Variants in CTNNA3 observed in about 807,000 individuals in gnomAD.
CTNNA3 encodes catenin alpha-3.
CTNNA3 carries 76 observed loss-of-function variants against 95.7 expected under a neutral mutation model. The observed-to-expected ratio is 0.79, with a 90% CI of 0.66 to 0.96. The LOEUF (loss-of-function observed/expected upper bound fraction) is 0.96. CTNNA3 is among the 40% of genes least tolerant of loss of function. CTNNA3 has a pLI of 0.00. For synonymous variants in CTNNA3, 431 were observed against 374.4 expected, an observed-to-expected ratio of 1.15 and a Z score of -1.74; for missense variants, 1,191 against 1,089.8, an observed-to-expected ratio of 1.09 and a Z score of -1.31.
chr10:66,885,706 A>AGT (rs1845017245), intron 7 of CTNNA3, among the ~76,000 whole-genome samples: 1 of 152,194 alleles, frequency 6.6e-6, no homozygotes, highest in Admixed American at 6.5e-5. Context: ...TTGTGCATTC[A>AGT]GTACATATCT....
At chr10:66,481,259 A>G (rs2131901626) in intron 11 of CTNNA3, among the ~76,000 whole-genome samples, 1 of 152,256 alleles carries the variant, frequency 6.6e-6, no homozygotes, top group East Asian at 1.9e-4. Context: ...AATACACTTT[A>G]CAGTTTTTTA....
At chr10:66,477,113 TA>T (rs1483669362) in intron 11 of CTNNA3, among the ~76,000 whole-genome samples, 1 of 152,146 alleles carries the variant, frequency 6.6e-6, no homozygotes, top group African/African-American at 2.4e-5. Flanking sequence ...TCTATGACAT[TA>T]ATGTCAGTAC....
At chr10:66,194,745 C>G (rs1379973448) in intron 13 of CTNNA3, among the ~76,000 whole-genome samples, 1 of 152,146 alleles carries the variant, frequency 6.6e-6, no homozygotes, top group Non-Finnish European at 1.5e-5. Flanking sequence ...ATACAGTGGT[C>G]CATGAGACAT....
chr10:67,121,113 T>G (rs1859443130), intron 7 of CTNNA3, among the ~76,000 whole-genome samples: 1 of 152,052 alleles, frequency 6.6e-6, no homozygotes, highest in Non-Finnish European at 1.5e-5. Context: ...CTTACTCTGT[T>G]CTAAATTTTT....
chr10:67,142,772 G>A (rs551832490), intron 7 of CTNNA3, among the ~76,000 whole-genome samples: 1 of 152,138 alleles, frequency 6.6e-6, no homozygotes, highest in African/African-American at 2.4e-5. Flanking sequence ...CCTCTAGTAA[G>A]ATACAAAAAA....
At chr10:66,847,517 G>A (rs1264336435) in intron 7 of CTNNA3, among the ~76,000 whole-genome samples, 4 of 152,060 alleles carry the variant, frequency 2.6e-5, no homozygotes, top group Non-Finnish European at 5.9e-5. Flanking sequence ...TTTGTTGTTT[G>A]ATCTTTTGAG....
At chr10:66,032,766 C>A (rs2079473641) in intron 15 of CTNNA3, among the ~76,000 whole-genome samples, 1 of 152,078 alleles carries the variant, frequency 6.6e-6, no homozygotes, top group South Asian at 2.1e-4. Flanking sequence ...GAAATATAAA[C>A]ATGAAGATAC....
At chr10:67,477,352 A>AC (rs902360409) in intron 5 of CTNNA3, among the ~76,000 whole-genome samples, 9 of 147,762 alleles carry the variant, frequency 6.1e-5, no homozygotes, top group Admixed American at 2.0e-4. Flanking sequence ...CTCCCACCCC[A>AC]CCCCCGGGGG....
chr10:67,003,235 G>T (rs1022686558), intron 7 of CTNNA3, among the ~76,000 whole-genome samples: 9 of 152,106 alleles, frequency 5.9e-5, no homozygotes, highest in African/African-American at 2.2e-4. Flanking sequence ...ATAATATTGG[G>T]GAATAAACGA....
chr10:67,408,071 CT>C (rs1001367523), intron 5 of CTNNA3, among the ~76,000 whole-genome samples: 12 of 152,300 alleles, frequency 7.9e-5, no homozygotes, highest in African/African-American at 1.9e-4. Context: ...CTACAAACCA[CT>C]GTTCAAAGAA....
intron 1 of CTNNA3, among the ~76,000 whole-genome samples, chr10:67,679,603 AC>A (rs1425545162): frequency 6.6e-6 from 1 of 152,228 alleles, no homozygotes; most frequent in Non-Finnish European, 1.5e-5. Flanking sequence ...ATTTTTTGCT[AC>A]ATTGGTATAG....
intron 7 of CTNNA3, among the ~76,000 whole-genome samples, chr10:67,132,066 T>C (rs1860037168): frequency 6.6e-6 from 1 of 152,088 alleles, no homozygotes; most frequent in East Asian, 1.9e-4. Flanking sequence ...GAAAATGTGA[T>C]CTAAGATAGC....
intron 5 of CTNNA3, among the ~76,000 whole-genome samples, chr10:67,233,160 C>T (rs954957336): frequency 6.6e-6 from 1 of 152,188 alleles, no homozygotes; most frequent in African/African-American, 2.4e-5. Flanking sequence ...ACCAAGCGGA[C>T]CTAATAGACA....
chr10:66,608,149 A>G (rs1844195867), intron 10 of CTNNA3, among the ~76,000 whole-genome samples: 1 of 152,156 alleles, frequency 6.6e-6, no homozygotes, highest in African/African-American at 2.4e-5. Flanking sequence ...CCCATACATC[A>G]ACAACAGTCA....
At chr10:66,449,134 A>T (rs2093445103) in intron 11 of CTNNA3, among the ~76,000 whole-genome samples, 1 of 152,166 alleles carries the variant, frequency 6.6e-6, no homozygotes, top group Admixed American at 6.6e-5. Flanking sequence ...CAATAAAATG[A>T]GAATGCTTAA....
At chr10:66,633,524 C>T (rs1444276632) in intron 9 of CTNNA3, among the ~76,000 whole-genome samples, 2 of 151,802 alleles carry the variant, frequency 1.3e-5, no homozygotes, top group Non-Finnish European at 2.9e-5. Flanking sequence ...ACTAAAAATA[C>T]AAAAAATTAG....
intron 4 of CTNNA3, among the ~76,000 whole-genome samples, chr10:67,524,659 A>G (rs1289154224): frequency 6.6e-6 from 1 of 152,178 alleles, no homozygotes; most frequent in East Asian, 1.9e-4. Flanking sequence ...CATTCATTTA[A>G]GCAGTTTTTT....
chr10:66,102,877 T>A (rs1213362415), intron 14 of CTNNA3, among the ~76,000 whole-genome samples: 1 of 152,192 alleles, frequency 6.6e-6, no homozygotes, highest in Non-Finnish European at 1.5e-5. Flanking sequence ...AACATGTACA[T>A]ATTTCACTTT....
At chr10:66,025,651 T>C (rs1182246171) in intron 15 of CTNNA3, among the ~76,000 whole-genome samples, 1 of 152,172 alleles carries the variant, frequency 6.6e-6, no homozygotes, top group Non-Finnish European at 1.5e-5. Flanking sequence ...TCAACTTGCA[T>C]CAGGCAGAAA....
Sources: allele counts gnomAD v4.1 joint callset (sites outside exome capture counted in the v4.1 genomes callset), GRCh38; gene constraint gnomAD v4.1.1; transcripts MANE v1.5; gene names NCBI Gene and HGNC (gene_info 2026-07-23, HGNC 2026-07-21).